Variants in SLC23A2 observed in about 807,000 individuals in gnomAD.
SLC23A2 encodes the protein Na(+)/L-ascorbic acid transporter 2.
A neutral mutation model predicts 73.3 loss-of-function variants in SLC23A2; 36 were observed. The observed-to-expected ratio is 0.49, with a 90% CI of 0.38 to 0.65. SLC23A2 has a LOEUF of 0.65. Ranked by LOEUF, SLC23A2 falls within the 30% of genes least tolerant of loss-of-function variation. The probability of loss-of-function intolerance (pLI) is 0.00; values close to 1 mark genes in which losing one functional copy is unlikely to be tolerated. For synonymous variants in SLC23A2, 343 were observed against 327.3 expected, an observed-to-expected ratio of 1.05 and a Z score of -0.52; for missense variants, 507 against 841.6, an observed-to-expected ratio of 0.60 and a Z score of 4.92.
At chr20:4,999,422 C>G (rs1439045876) in intron 1 of SLC23A2, among the ~76,000 whole-genome samples, 1 of 152,170 alleles carries the variant, frequency 6.6e-6, no homozygotes, top group East Asian at 1.9e-4. Flanking sequence ...ACACATGACT[C>G]ACTTCTGCAA....
intron 15 of SLC23A2, among the ~76,000 whole-genome samples, chr20:4,861,728 A>C (rs565046125): frequency 6.6e-6 from 1 of 152,326 alleles, no homozygotes; most frequent in African/African-American, 2.4e-5. Flanking sequence ...CCAGTGAAAA[A>C]GAGACCTTAG....
At chr20:4,991,915 G>A (rs1054528259) in intron 1 of SLC23A2, among the ~76,000 whole-genome samples, 2 of 152,004 alleles carry the variant, frequency 1.3e-5, no homozygotes, top group Admixed American at 6.6e-5. Flanking sequence ...TATTTTGACA[G>A]CCTGGCCAAC....
chr20:4,878,037 A>G (rs1437199891), intron 9 of SLC23A2, among the ~76,000 whole-genome samples: 1 of 152,240 alleles, frequency 6.6e-6, no homozygotes, highest in Non-Finnish European at 1.5e-5. Context: ...CACTTTAATG[A>G]GCTAGGTGTA....
chr20:4,890,303 G>A lies in SLC23A2; in HGVS notation c.483-4394C>T, dbSNP rs559210613. Among the ~76,000 whole-genome samples, 233 of 152,236 alleles carry A rather than the reference G, an allele frequency of 1.5e-3. 3 individuals are homozygous for A. Among genetic ancestry groups the A allele is most frequent in the Middle Eastern group, 0.01 (3 of 292 alleles). The stretch of plus-strand genomic sequence containing the variant: ...GAGATGTAACAGGTTTGGCTTTGAG[G>A]AGCCATAGGTTCTTTATTGAATCTA... On this transcript the variant is annotated intron_variant, in intron 6 of 16. Coordinates refer to ENST00000338244, the MANE Select transcript of SLC23A2 (RefSeq NM_005116.6).
chr20:4,925,201 T>C (rs1041570576), intron 3 of SLC23A2, among the ~76,000 whole-genome samples: 1 of 149,080 alleles, frequency 6.7e-6, no homozygotes, highest in African/African-American at 2.5e-5. Flanking sequence ...AAAAAAAGGA[T>C]GGAAACTCAT....
chr20:4,902,659 G>A lies in SLC23A2; in HGVS notation c.208-101C>T, dbSNP rs1931794187. ...TATTACAGAAAAACAACTTTATCAAGTGGTTGCCATCTTCCTGCAGTTTTG... is the reference window on the plus strand; with the variant it reads ...TATTACAGAAAAACAACTTTATCAAATGGTTGCCATCTTCCTGCAGTTTTG... On this transcript the variant is annotated intron_variant, in intron 4 of 16. Transcript: ENST00000338244. The surrounding 1 kb of genome is among the most constrained non-coding windows in gnomAD (Gnocchi z 4.0). 3.4e-6 allele frequency: 2 copies of A among 596,104 alleles called. No homozygotes were observed. Among genetic ancestry groups the A allele is most frequent in the Non-Finnish European group, 5.9e-6 (2 of 337,876 alleles). The allele number at this position is 596,104 out of a possible 1,614,324, so 36.9% of individuals were successfully genotyped here.
intron 1 of SLC23A2, among the ~76,000 whole-genome samples, chr20:4,996,172 C>T (rs2088016846): frequency 6.6e-6 from 1 of 152,146 alleles, no homozygotes; most frequent in South Asian, 2.1e-4. Flanking sequence ...ACATGGGGCT[C>T]TCTTGTCTTT....
chr20:4,968,339 A>AC (rs2122213279), intron 2 of SLC23A2, among the ~76,000 whole-genome samples: 1 of 152,180 alleles, frequency 6.6e-6, no homozygotes, highest in African/African-American at 2.4e-5. Flanking sequence ...CAACAGCCTA[A>AC]CCCCAGCACC....
chr20:4,991,942 T>C (rs1040373323), intron 1 of SLC23A2, among the ~76,000 whole-genome samples: 21 of 152,070 alleles, frequency 1.4e-4, no homozygotes, highest in African/African-American at 4.8e-4. Flanking sequence ...AAACTCTGTC[T>C]CTACTAAGAA....
chr20:4,946,670 A>T (rs2122975419), intron 2 of SLC23A2, among the ~76,000 whole-genome samples: 1 of 152,238 alleles, frequency 6.6e-6, no homozygotes, highest in African/African-American at 2.4e-5. Context: ...AATCCTAAAA[A>T]AGCTCCTGAG....
chr20:4,862,182 C>G lies in SLC23A2; in HGVS notation c.1487-97G>C, dbSNP rs1440403900. 4.1e-6 allele frequency: 5 copies of G among 1,216,492 alleles called. No homozygotes were observed. Among genetic ancestry groups the G allele is most frequent in the Non-Finnish European group, 5.9e-6 (5 of 851,724 alleles). The allele number at this position is 1,216,492 out of a possible 1,614,324, so 75.4% of individuals were successfully genotyped here. A position where few individuals can be genotyped will look rare whatever the true frequency, so the allele number is the denominator to read the frequency against. On this transcript the variant is annotated intron_variant, in intron 14 of 16. Coordinates refer to ENST00000338244, the MANE Select transcript of SLC23A2 (RefSeq NM_005116.6). The surrounding 1 kb of genome is among the most constrained non-coding windows in gnomAD (Gnocchi z 5.1). ...AGGCTCCCTGGCACCCCTTCTCTGT[C>G]CAACAGAAACCAATGAGACCAGTGC...
At chr20:4,876,747 A>C (rs954177017) in intron 9 of SLC23A2, among the ~76,000 whole-genome samples, 3 of 152,230 alleles carry the variant, frequency 2.0e-5, no homozygotes, top group Admixed American at 2.0e-4. Flanking sequence ...GATCATCCAT[A>C]ATCCCCCTTG....
chr20:4,977,759 G>C (rs1017507986), intron 1 of SLC23A2, among the ~76,000 whole-genome samples: 2 of 150,726 alleles, frequency 1.3e-5, no homozygotes, highest in African/African-American at 4.9e-5. Flanking sequence ...GGCTGGTCTC[G>C]AACTCCTGAG....
intron 4 of SLC23A2, among the ~76,000 whole-genome samples, chr20:4,908,650 C>T (rs543853027): frequency 2.6e-5 from 4 of 152,140 alleles, no homozygotes; most frequent in South Asian, 4.1e-4. Context: ...CTGTAGGGAC[C>T]GGGTGTGGTG....
chr20:4,986,689 C>CACACACACACAGAG (rs71197739), intron 1 of SLC23A2, among the ~76,000 whole-genome samples: 6,674 of 128,286 alleles, frequency 0.052, 169 homozygotes, highest in East Asian at 0.13. Flanking sequence ...CACACACACA[C>CACACACACACAGAG]AGAGATGAAT....
rs969426063 is a variant in SLC23A2, at chr20:4,863,314, A to T, written c.1357-407T>A. 2.0e-5 allele frequency among the ~76,000 whole-genome samples: 3 copies of T among 152,212 alleles called. No homozygotes were observed. Among genetic ancestry groups the T allele is most frequent in the African/African-American group, 7.2e-5 (3 of 41,454 alleles). On this transcript the variant is annotated intron_variant, in intron 13 of 16. Coordinates refer to ENST00000338244, the MANE Select transcript of SLC23A2 (RefSeq NM_005116.6). The surrounding 1 kb of genome is among the most constrained non-coding windows in gnomAD (Gnocchi z 4.8). ...AGACCAAACCCCCAGACATGTCTGGAACCTCCTCTCCTCACGGCACGCTTC... is the reference window on the plus strand; with the variant it reads ...AGACCAAACCCCCAGACATGTCTGGTACCTCCTCTCCTCACGGCACGCTTC...
Position 4,883,327 on chromosome 20 carries a change from A to G in SLC23A2, c.824+315T>C, listed in dbSNP as rs559315905. Among the ~76,000 whole-genome samples the G allele has an allele frequency of 1.6e-4, 24 of 152,326 alleles. No homozygotes were observed. In the South Asian group the frequency reaches 4.1e-3, roughly 26 times the overall value. On this transcript the variant is annotated intron_variant, in intron 9 of 16. Transcript: ENST00000338244. This position sits in a 1 kb window ranked among gnomAD's most constrained non-coding sequence, Gnocchi z 4.5. ...ATTTGGCTTCTCAGTATGTCAACTC[A>G]TGAACATGAGACTTGGCAAGACCTC...
In SLC23A2 at chr20:4,860,483, C is replaced by T. The variant is rs111451730; in HGVS notation, c.1625-1099G>A. ...CTCCCTGACGTTTCTACACATAAGG[C>T]GGCTATGGTGTGTGTTAAAGAAGAT... is the stretch of plus-strand genomic sequence containing the variant. On this transcript the variant is annotated intron_variant, in intron 15 of 16. Transcript: ENST00000338244. 5.7e-3 allele frequency among the ~76,000 whole-genome samples: 875 copies of T among 152,270 alleles called. 7 individuals carry two copies. The highest frequency in any genetic ancestry group is 0.02 in the African/African-American group (823 of 41,568).
intron 1 of SLC23A2, among the ~76,000 whole-genome samples, chr20:4,985,424 T>C (rs1165374561): frequency 6.6e-6 from 1 of 151,388 alleles, no homozygotes; most frequent in Non-Finnish European, 1.5e-5. Context: ...TTATGCTAAG[T>C]GAAAAAGCCT....
Sources: gnomAD v4.1 joint callset for allele counts (sites outside exome capture counted in the v4.1 genomes callset) on GRCh38, gnomAD v4.1.1 for gene constraint, Gnocchi (gnomAD v3.1) non-coding constraint, MANE v1.5 for transcripts, NCBI Gene and HGNC (gene_info 2026-07-23, HGNC 2026-07-21) for gene names.